The following DIP2C variants were observed in gnomAD, a reference collection of about 807,000 sequenced individuals.
DIP2C encodes the protein DIP2 acetate--CoA ligase C (putative).
DIP2C carries 33 observed loss-of-function variants against 192.4 expected under a neutral mutation model. That is an observed-to-expected ratio of 0.17 (90% CI 0.13 to 0.23). DIP2C has a LOEUF of 0.23. DIP2C is among the 10% of genes least tolerant of loss of function. The pLI, the probability that DIP2C is intolerant of heterozygous loss-of-function variation, is 1.00. For synonymous variants in DIP2C, 979 were observed against 864.1 expected (o/e 1.13, Z -2.33); for missense variants, 1,537 against 2,110.1 (o/e 0.73, Z 5.32).
chr10:283,550 A>T (rs1441724846), intron 34 of DIP2C, 104 bp from the exon 35 acceptor site: 2 of 1,391,802 alleles, frequency 1.4e-6, no homozygotes, highest in Admixed American at 4.0e-5. Flanking sequence ...CAGTGATAGT[A>T]AACGTTTCCT....
chr10:442,810 T>C (rs1009296134), intron 3 of DIP2C, among the ~76,000 whole-genome samples: 22 of 152,372 alleles, frequency 1.4e-4, no homozygotes, highest in African/African-American at 5.0e-4. Context: ...AAAGTTCACA[T>C]TCAAATGGTG....
At chr10:366,488 A>G (rs1241267863) in intron 18 of DIP2C, 77 bp from the exon 19 acceptor site, 3 of 1,593,674 alleles carry the variant, frequency 1.9e-6, no homozygotes, top group Admixed American at 1.7e-5. Context: ...GAAGACGCGA[A>G]TATGAACGAC....
In DIP2C at chr10:340,680, C is replaced by G. The variant is rs1278976717; in HGVS notation, c.3584+519G>C. 6.8e-6 allele frequency: 3 copies of G among 440,804 alleles called. No individual in the cohort carries two copies. The East Asian group carries it at 2.1e-4, about 31-fold the overall frequency. The allele number at this position is 440,804 out of a possible 1,614,324, so 27.3% of individuals were successfully genotyped here. On this transcript the variant is annotated intron_variant, in intron 29 of 36. Transcript: ENST00000280886. ...AAGTTTTTCTGGTCATTCATTCATC[C>G]CATAAATACTTGCTGAGCACCTGCT... is the stretch of plus-strand genomic sequence containing the variant.
chr10:417,946 C>A (rs866256152), intron 6 of DIP2C, among the ~76,000 whole-genome samples: 2 of 106,376 alleles, frequency 1.9e-5, no homozygotes, highest in African/African-American at 7.7e-5. Flanking sequence ...TTCGATAGGC[C>A]TCCCTGTCCA....
intron 1 of DIP2C, among the ~76,000 whole-genome samples, chr10:627,169 A>G (rs978329506): frequency 6.6e-6 from 1 of 152,232 alleles, no homozygotes; most frequent in Non-Finnish European, 1.5e-5. Flanking sequence ...AGCCTGGCCC[A>G]GGCCTGCCCC....
chr10:330,547 G>A (rs917569202), intron 29 of DIP2C, among the ~76,000 whole-genome samples: 1 of 152,024 alleles, frequency 6.6e-6, no homozygotes, highest in Non-Finnish European at 1.5e-5. Flanking sequence ...GGCTAGAGTA[G>A]GGTGGTGTAA....
At chr10:685,958 C>T (rs576217717) in intron 1 of DIP2C, among the ~76,000 whole-genome samples, 15 of 152,142 alleles carry the variant, frequency 9.9e-5, no homozygotes, top group Admixed American at 5.2e-4. Context: ...GAGACCGTCT[C>T]AAAAATTAAA....
chr10:425,639 C>G (rs879291279), intron 4 of DIP2C, among the ~76,000 whole-genome samples: 5 of 151,860 alleles, frequency 3.3e-5, no homozygotes, highest in Non-Finnish European at 7.4e-5. Flanking sequence ...GATGATACAG[C>G]ATGACCAGTG....
intron 17 of DIP2C, among the ~76,000 whole-genome samples, chr10:372,426 C>T (rs1961076998): frequency 6.6e-6 from 1 of 152,188 alleles, no homozygotes; most frequent in African/African-American, 2.4e-5. Context: ...AAGACCTGCA[C>T]ATTTAATAAT....
chr10:304,979 A>T (rs1956241468), intron 32 of DIP2C, among the ~76,000 whole-genome samples: 1 of 152,218 alleles, frequency 6.6e-6, no homozygotes, highest in African/African-American at 2.4e-5. Flanking sequence ...ATGTGTACAC[A>T]TTTGAAAGTC....
At chr10:378,555 A>G (rs1961927849) in intron 17 of DIP2C, among the ~76,000 whole-genome samples, 1 of 151,934 alleles carries the variant, frequency 6.6e-6, no homozygotes, top group South Asian at 2.1e-4. Flanking sequence ...ACATGCAGAC[A>G]CGTGAACACA....
At chr10:465,850 C>T (rs1327893113) in intron 3 of DIP2C, among the ~76,000 whole-genome samples, 2 of 150,850 alleles carry the variant, frequency 1.3e-5, no homozygotes, top group Non-Finnish European at 3.0e-5. Context: ...AGGACCTCTT[C>T]AAGGAGAACT....
chr10:509,382 G>A (rs959371909), intron 1 of DIP2C, among the ~76,000 whole-genome samples: 1 of 152,178 alleles, frequency 6.6e-6, no homozygotes, highest in East Asian at 1.9e-4. Flanking sequence ...GTGAGCAGCT[G>A]GGATTCAACC....
chr10:456,294 G>A (rs1484390611), intron 3 of DIP2C, among the ~76,000 whole-genome samples: 1 of 111,734 alleles, frequency 8.9e-6, no homozygotes, highest in Admixed American at 8.3e-5. Context: ...CTGAGGGGAG[G>A]CCATGAGGAG....
chr10:281,174 G>C (rs531962531), intron 36 of DIP2C, 26 bp downstream of exon 36: 2 of 1,611,216 alleles, frequency 1.2e-6, no homozygotes, highest in South Asian at 2.2e-5. Flanking sequence ...CCTGATTTGG[G>C]TACAAGCTGC....
At chr10:481,075 G>A (rs1843568509) in intron 2 of DIP2C, among the ~76,000 whole-genome samples, 1 of 152,044 alleles carries the variant, frequency 6.6e-6, no homozygotes, top group Admixed American at 6.6e-5. Context: ...AGCACGTCTA[G>A]GAAGCGCTGC....
In DIP2C at chr10:604,184, G is replaced by A. The variant is rs1006397806; in HGVS notation, c.85+85310C>T. On this transcript the variant is annotated intron_variant, in intron 1 of 36. Transcript: ENST00000280886. Reference sequence around the variant, plus strand: ...CCTCCCCCATCTCACTGTCTGTTACGCAGTCACATCTCCAAAGCCTCTTTT... The same window carrying A: ...CCTCCCCCATCTCACTGTCTGTTACACAGTCACATCTCCAAAGCCTCTTTT... Among the ~76,000 whole-genome samples, 10 of 151,968 alleles carry A rather than the reference G, an allele frequency of 6.6e-5. 1 individual carries two copies. Among genetic ancestry groups the A allele is most frequent in the South Asian group, 4.2e-4 (2 of 4,808 alleles).
chr10:592,942 G>A (rs1320298899), intron 1 of DIP2C, among the ~76,000 whole-genome samples: 2 of 152,152 alleles, frequency 1.3e-5, no homozygotes, highest in Admixed American at 6.5e-5. Flanking sequence ...TTTTAAACAC[G>A]AGGTCACTGT....
At chr10:347,664 AC>A (rs1307339371) in intron 26 of DIP2C, among the ~76,000 whole-genome samples, 5 of 114,006 alleles carry the variant, frequency 4.4e-5, no homozygotes, top group African/African-American at 1.9e-4. Context: ...GAAACCCCAC[AC>A]TCACCCAGAC....
Sources: gnomAD v4.1 joint callset for allele counts (sites outside exome capture counted in the v4.1 genomes callset) on GRCh38, gnomAD v4.1.1 for gene constraint, MANE v1.5 for transcripts, NCBI Gene and HGNC (gene_info 2026-07-23, HGNC 2026-07-21) for gene names.